CGGBP1: variants seen among roughly 807,000 people sequenced by gnomAD.
CGGBP1 encodes the protein CGG triplet repeat-binding protein 1.
Under a neutral mutation model 11.4 loss-of-function variants are expected in CGGBP1, and 4 were observed. The observed-to-expected ratio is 0.35, with a 90% CI of 0.17 to 0.80. The LOEUF (loss-of-function observed/expected upper bound fraction) is 0.80, where lower values mean the gene tolerates loss of function less well. Among genes scored for constraint, CGGBP1 ranks in the 30% least tolerant of loss-of-function variants. The pLI, the probability that CGGBP1 is intolerant of heterozygous loss-of-function variation, is 0.52. For missense variants in CGGBP1, 135 were observed against 202.1 expected (o/e 0.67, Z 2.01); for synonymous variants, 76 against 74.1 (o/e 1.03, Z -0.13).
chr3:88,074,611 G>A (rs1237375540), intron 2 of CGGBP1, among the ~76,000 whole-genome samples: 1 of 152,108 alleles, frequency 6.6e-6, no homozygotes, highest in Non-Finnish European at 1.5e-5. Context: ...CAAAGTGCTG[G>A]ATTATAAGCG....
At chr3:88,114,636 T>C (rs1705281655) in intron 2 of CGGBP1, among the ~76,000 whole-genome samples, 1 of 152,180 alleles carries the variant, frequency 6.6e-6, no homozygotes, top group Admixed American at 6.5e-5. Flanking sequence ...CTGTGGCTTC[T>C]TCCTACTCTG....
chr3:88,104,729 A>C lies in CGGBP1; in HGVS notation c.-229+36241T>G, dbSNP rs4393932. 7.0e-4 allele frequency among the ~76,000 whole-genome samples: 106 copies of C among 152,364 alleles called. 1 individual carries two copies. The East Asian group carries it at 0.02, about 29-fold the overall frequency. On this transcript the variant is annotated intron_variant, in intron 2 of 3. Transcript: ENST00000462901. ...TAAGCCAAAGTGGACACTAAATGGA[A>C]TCTTAAAATTGCTCAGTCCCAAAGA...
At chr3:88,139,877 CAT>C in intron 2 of CGGBP1, 1 of 1,609,998 alleles carries the variant, frequency 6.2e-7, no homozygotes. Context: ...ATCCAAAAGA[CAT>C]ATATGCCACA....
At chr3:88,115,064 C>A (rs1170642804) in intron 2 of CGGBP1, among the ~76,000 whole-genome samples, 2 of 152,164 alleles carry the variant, frequency 1.3e-5, no homozygotes, top group Non-Finnish European at 2.9e-5. Context: ...TTTCTCGTCT[C>A]CCATAAGTAG....
At chr3:88,064,562 G>T (rs1226708161) in intron 2 of CGGBP1, among the ~76,000 whole-genome samples, 1 of 152,090 alleles carries the variant, frequency 6.6e-6, no homozygotes, top group Non-Finnish European at 1.5e-5. Flanking sequence ...AAATTCCTGA[G>T]ATGTTCTGGG....
At position 88,101,364 on chromosome 3, in the gene CGGBP1, A is replaced by G. The variant is rs978115515; in HGVS notation, c.-229+39606T>C. Among the ~76,000 whole-genome samples the G allele has an allele frequency of 2.1e-4, 32 of 152,178 alleles. 1 individual carries two copies. On this transcript the variant is annotated intron_variant, in intron 2 of 3. Coordinates refer to the CGGBP1 transcript ENST00000462901. ...TATTTCTAGACATTTCATATAAATGATATCATAGAATATGTAGTATTTTGG... is the reference window on the plus strand; with the variant it reads ...TATTTCTAGACATTTCATATAAATGGTATCATAGAATATGTAGTATTTTGG...
chr3:88,123,401 T>C (rs1314987138), intron 2 of CGGBP1, among the ~76,000 whole-genome samples: 5 of 152,224 alleles, frequency 3.3e-5, no homozygotes, highest in Non-Finnish European at 7.3e-5. Flanking sequence ...TTACTAATTT[T>C]TAACAAAGAT....
At chr3:88,129,233 C>T (rs985836551) in intron 2 of CGGBP1, among the ~76,000 whole-genome samples, 1 of 145,004 alleles carries the variant, frequency 6.9e-6, no homozygotes, top group Non-Finnish European at 1.5e-5. Flanking sequence ...ATAAAATATA[C>T]TCATTAATAA....
upstream of CGGBP1, among the ~76,000 whole-genome samples, chr3:88,059,895 G>C (rs1194589987): frequency 6.6e-6 from 1 of 151,938 alleles, no homozygotes; most frequent in Non-Finnish European, 1.5e-5. Context: ...AACATTTTCT[G>C]CCTTCCCCTC....
intron 2 of CGGBP1, among the ~76,000 whole-genome samples, chr3:88,132,890 T>C (rs1285947366): frequency 1.3e-5 from 2 of 152,190 alleles, no homozygotes; most frequent in African/African-American, 4.8e-5. Context: ...AGTGATAGCA[T>C]CTGTGCCTAA....
intron 2 of CGGBP1, among the ~76,000 whole-genome samples, chr3:88,103,277 A>T (rs1704540317): frequency 6.6e-6 from 1 of 152,226 alleles, no homozygotes; most frequent in Admixed American, 6.5e-5. Flanking sequence ...AGCAGATTGG[A>T]AATTTCGGCA....
chr3:88,140,811 G>A lies in CGGBP1; in HGVS notation c.-229+159C>T, dbSNP rs199884128. On this transcript the variant is annotated intron_variant, in intron 2 of 3. Transcript: ENST00000462901. ...TGGCTTAATTTTAACAAAACCATAC[G>A]TCAGACCATTGCCTCCCAGTTACCT... The A allele has an allele frequency of 4.0e-5, 65 of 1,613,548 alleles. 1 individual carries two copies. The East Asian group carries it at 5.3e-4, about 13-fold the overall frequency.
At chr3:88,120,217 A>T (rs1705685069) in intron 2 of CGGBP1, among the ~76,000 whole-genome samples, 2 of 152,198 alleles carry the variant, frequency 1.3e-5, no homozygotes, top group African/African-American at 2.4e-5. Context: ...AGGTTTATAG[A>T]AGCAGAATGA....
At chr3:88,066,498 C>T (rs371103246) in intron 2 of CGGBP1, among the ~76,000 whole-genome samples, 20 of 151,956 alleles carry the variant, frequency 1.3e-4, no homozygotes, top group African/African-American at 4.8e-4. Context: ...GGCTTAAGCC[C>T]AGGAGGCGGA....
At position 88,077,171 on chromosome 3, in the gene CGGBP1, T is replaced by C. The variant is rs151254012; in HGVS notation, c.-228-18948A>G. On this transcript the variant is annotated intron_variant, in intron 2 of 3. Transcript: ENST00000462901. ...AGAATTTGGGAAGAAGATAAAAATA[T>C]AAGAATCAGAATAGGGGAGGAGGAT... Among the ~76,000 whole-genome samples, 1,190 of 152,222 alleles carry C rather than the reference T, an allele frequency of 7.8e-3. 21 individuals are homozygous for C. The highest frequency in any genetic ancestry group is 0.027 in the African/African-American group (1,133 of 41,518).
chr3:88,103,078 T>A (rs1704527323), intron 2 of CGGBP1, among the ~76,000 whole-genome samples: 1 of 152,174 alleles, frequency 6.6e-6, no homozygotes, highest in African/African-American at 2.4e-5. Flanking sequence ...ACATGTGTTA[T>A]TTGGTTTTCT....
At chr3:88,097,731 T>C (rs192076138) in intron 2 of CGGBP1, among the ~76,000 whole-genome samples, 167 of 152,304 alleles carry the variant, frequency 1.1e-3, no homozygotes, top group African/African-American at 3.9e-3. Context: ...CCTGAATGAC[T>C]ACTGGGTACA....
intron 2 of CGGBP1, among the ~76,000 whole-genome samples, chr3:88,105,590 C>T (rs904923861): frequency 6.6e-6 from 1 of 152,092 alleles, no homozygotes; most frequent in African/African-American, 2.4e-5. Flanking sequence ...GCTAAATATG[C>T]CCAGTGTTCC....
intron 2 of CGGBP1, among the ~76,000 whole-genome samples, chr3:88,134,229 A>G (rs894660264): frequency 6.6e-6 from 1 of 152,050 alleles, no homozygotes; most frequent in Non-Finnish European, 1.5e-5. Context: ...GTCTGAGTAC[A>G]CTATGTGCAC....
Sources: gnomAD v4.1 joint callset for allele counts (sites outside exome capture counted in the v4.1 genomes callset) on GRCh38, gnomAD v4.1.1 for gene constraint, MANE v1.5 for transcripts, NCBI Gene and HGNC (gene_info 2026-07-23, HGNC 2026-07-21) for gene names.